The following CADM1 variants were observed in gnomAD, a reference collection of about 807,000 sequenced individuals.
The protein encoded by CADM1 is TSLC-1.
CADM1 carries 15 observed loss-of-function variants against 53.1 expected under a neutral mutation model. That is an observed-to-expected ratio of 0.28 (90% CI 0.19 to 0.44). CADM1 has a LOEUF of 0.44. CADM1 is among the 20% of genes least tolerant of loss of function. The probability of loss-of-function intolerance (pLI) is 1.00; values close to 1 mark genes in which losing one functional copy is unlikely to be tolerated. For missense variants in CADM1, 434 were observed against 611.3 expected, an observed-to-expected ratio of 0.71 and a Z score of 3.06; for synonymous variants, 281 against 243.0, an observed-to-expected ratio of 1.16 and a Z score of -1.45.
chr11:115,389,899 A>T (rs1035432540), intron 1 of CADM1, among the ~76,000 whole-genome samples: 2 of 152,210 alleles, frequency 1.3e-5, no homozygotes, highest in Admixed American at 1.3e-4. Context: ...AACACCTGTT[A>T]TGTAAGTAAA....
chr11:115,307,787 C>T (rs1944417459), intron 1 of CADM1, among the ~76,000 whole-genome samples: 1 of 151,684 alleles, frequency 6.6e-6, no homozygotes, highest in Non-Finnish European at 1.5e-5. Context: ...ATGTTTATTC[C>T]AACATTACTG....
intron 1 of CADM1, among the ~76,000 whole-genome samples, chr11:115,456,588 T>C (rs1204782597): frequency 6.6e-6 from 1 of 152,106 alleles, no homozygotes; most frequent in East Asian, 1.9e-4. Context: ...AGATAAGACA[T>C]AGGACTAGTT....
At chr11:115,355,910 G>A (rs1348879982) in intron 1 of CADM1, among the ~76,000 whole-genome samples, 3 of 152,204 alleles carry the variant, frequency 2.0e-5, no homozygotes, top group Admixed American at 6.5e-5. Context: ...TTGGCTCACT[G>A]CAACCTCCGC....
intron 1 of CADM1, among the ~76,000 whole-genome samples, chr11:115,431,034 T>C (rs774538158): frequency 3.9e-5 from 6 of 152,158 alleles, no homozygotes; most frequent in Non-Finnish European, 7.3e-5. Context: ...TTGCACTTCT[T>C]ATTAGAGTTG....
chr11:115,253,943 A>G (rs1942691409), intron 1 of CADM1, among the ~76,000 whole-genome samples: 1 of 152,230 alleles, frequency 6.6e-6, no homozygotes, highest in South Asian at 2.1e-4. Flanking sequence ...GTTATTAGGC[A>G]GACCTTGGGA....
chr11:115,431,446 A>G (rs752409617), intron 1 of CADM1, among the ~76,000 whole-genome samples: 21 of 152,096 alleles, frequency 1.4e-4, no homozygotes, highest in South Asian at 4.1e-4. Flanking sequence ...ACCTGTCTGC[A>G]GCCACTCAAG....
chr11:115,182,275 C>T lies in CADM1; in HGVS notation c.1166-3500G>A, dbSNP rs776104046. On this transcript the variant is annotated intron_variant, in intron 10 of 11. Coordinates refer to ENST00000331581, the MANE Select transcript of CADM1 (RefSeq NM_001301043.2). ...GGAGTGGAAAGCACTTTTAAACATGCCTGATGCTCAGGCATATGGACATCA... is the reference window on the plus strand; with the variant it reads ...GGAGTGGAAAGCACTTTTAAACATGTCTGATGCTCAGGCATATGGACATCA... 8.3e-4 allele frequency among the ~76,000 whole-genome samples: 127 copies of T among 152,278 alleles called. 1 individual carries two copies. Among genetic ancestry groups the T allele is most frequent in the Non-Finnish European group, 1.8e-3 (122 of 68,022 alleles).
intron 1 of CADM1, among the ~76,000 whole-genome samples, chr11:115,369,210 C>CT (rs1216307068): frequency 6.6e-6 from 1 of 152,012 alleles, no homozygotes; most frequent in Admixed American, 6.6e-5. Flanking sequence ...AAACATGCCA[C>CT]TAAAAGAAAG....
intron 1 of CADM1, among the ~76,000 whole-genome samples, chr11:115,325,064 TAAG>T (rs1944925760): frequency 6.6e-6 from 1 of 152,212 alleles, no homozygotes. Flanking sequence ...GAGCATCTAT[TAAG>T]AGGATTTTCA....
intron 1 of CADM1, among the ~76,000 whole-genome samples, chr11:115,316,195 G>GA (rs1944662814): frequency 6.6e-6 from 1 of 152,128 alleles, no homozygotes; most frequent in African/African-American, 2.4e-5. Context: ...GGCTTTGGGG[G>GA]ACTCACCCCT....
intron 1 of CADM1, among the ~76,000 whole-genome samples, chr11:115,434,572 C>T (rs1284153269): frequency 6.6e-6 from 1 of 152,134 alleles, no homozygotes; most frequent in Non-Finnish European, 1.5e-5. Context: ...GAGATGAGAA[C>T]AGTTCTCACT....
intron 1 of CADM1, among the ~76,000 whole-genome samples, chr11:115,423,441 T>C (rs949102674): frequency 6.6e-6 from 1 of 152,154 alleles, no homozygotes; most frequent in Non-Finnish European, 1.5e-5. Context: ...GAACTAACTT[T>C]CTCCTTACTA....
intron 1 of CADM1, among the ~76,000 whole-genome samples, chr11:115,334,382 C>A (rs530619989): frequency 2.0e-5 from 3 of 151,936 alleles, no homozygotes; most frequent in East Asian, 3.9e-4. Flanking sequence ...TACAGTAGTC[C>A]CCCCCTTATC....
intron 1 of CADM1, among the ~76,000 whole-genome samples, chr11:115,323,777 A>G (rs1418746667): frequency 8.5e-5 from 13 of 152,126 alleles, no homozygotes; most frequent in Admixed American, 8.5e-4. Context: ...CGCTTGCCCA[A>G]AGGAAGAGGG....
At chr11:115,372,689 C>T (rs1475409773) in intron 1 of CADM1, among the ~76,000 whole-genome samples, 1 of 152,172 alleles carries the variant, frequency 6.6e-6, no homozygotes, top group Non-Finnish European at 1.5e-5. Context: ...ACTTCTTTTT[C>T]ACCTATTATC....
At chr11:115,181,851 C>T (rs1591580191) in intron 10 of CADM1, among the ~76,000 whole-genome samples, 1 of 152,222 alleles carries the variant, frequency 6.6e-6, no homozygotes, top group African/African-American at 2.4e-5. Flanking sequence ...GGCTGTGCCT[C>T]ACTCATGACA....
At position 115,170,392 on chromosome 11, in the gene CADM1, A is replaced by T. The variant is rs1263455369; in HGVS notation, c.*6082T>A. On this transcript the variant is annotated 3_prime_UTR_variant, in exon 12 of 12. Coordinates refer to ENST00000331581, the MANE Select transcript of CADM1 (RefSeq NM_001301043.2). ...TTTCAATAGGCAAGGCTCGAGTTGT[A>T]TTTCCCAGCACTGACCACCAGGGGC... The T allele has an allele frequency of 6.6e-6, 1 of 152,210 alleles. No homozygotes were observed. The highest frequency in any genetic ancestry group is 1.5e-5 in the Non-Finnish European group (1 of 68,060). 9.4% of individuals were successfully genotyped at this position (152,210 alleles called of 1,614,324 possible).
At chr11:115,410,656 G>C (rs1019713162) in intron 1 of CADM1, among the ~76,000 whole-genome samples, 19 of 152,158 alleles carry the variant, frequency 1.2e-4, no homozygotes, top group African/African-American at 4.6e-4. Context: ...TTTAAAAAAA[G>C]GGAAATTTAG....
intron 1 of CADM1, among the ~76,000 whole-genome samples, chr11:115,308,211 T>TATATATATATATATATACACAC (rs139012671): frequency 7.2e-6 from 1 of 139,384 alleles, no homozygotes; most frequent in African/African-American, 2.7e-5. Flanking sequence ...TATATATATA[T>TATATATATATATATATACACAC]ACACACCTAT....
Sources: gnomAD v4.1 joint callset for allele counts (sites outside exome capture counted in the v4.1 genomes callset) on GRCh38, gnomAD v4.1.1 for gene constraint, MANE v1.5 for transcripts, NCBI Gene and HGNC (gene_info 2026-07-23, HGNC 2026-07-21) for gene names.